KHDRBS2: variants seen among roughly 807,000 people sequenced by gnomAD.
KHDRBS2 encodes the protein KH domain-containing, RNA-binding, signal transduction-associated protein 2.
KHDRBS2 carries 26 observed loss-of-function variants against 44.3 expected under a neutral mutation model. That is an observed-to-expected ratio of 0.59 (90% CI 0.43 to 0.81). The LOEUF (loss-of-function observed/expected upper bound fraction) is 0.81, where lower values mean the gene tolerates loss of function less well. KHDRBS2 is among the 40% of genes least tolerant of loss of function. The pLI is 0.00. For missense variants in KHDRBS2, 476 were observed against 433.1 expected (o/e 1.10, Z -0.88); for synonymous variants, 194 against 151.1 (o/e 1.28, Z -2.08).
At chr6:61,552,289 G>A in the KHDRBS2 span, among the ~76,000 whole-genome samples, 1 of 151,942 alleles carries the variant, frequency 6.6e-6, no homozygotes, top group Non-Finnish European at 1.5e-5. Flanking sequence ...GAATGGGATT[G>A]CATTTTTGAT....
chr6:61,985,402 C>A (rs925042470), intron 3 of KHDRBS2, among the ~76,000 whole-genome samples: 2 of 152,174 alleles, frequency 1.3e-5, no homozygotes, highest in African/African-American at 4.8e-5. Context: ...CAGGGTCCAG[C>A]AAGAGCCTTG....
chr6:61,883,845 T>A (rs1332983649), intron 6 of KHDRBS2, among the ~76,000 whole-genome samples: 1 of 151,986 alleles, frequency 6.6e-6, no homozygotes, highest in Non-Finnish European at 1.5e-5. Flanking sequence ...CTCTAAAAAA[T>A]GGGGACTAGA....
At chr6:62,161,914 C>T (rs1817739513) in intron 2 of KHDRBS2, among the ~76,000 whole-genome samples, 1 of 151,982 alleles carries the variant, frequency 6.6e-6, no homozygotes, top group African/African-American at 2.4e-5. Flanking sequence ...ACCTTTACAG[C>T]TTTATACCTG....
At chr6:61,720,309 G>A (rs1772229098) in intron 7 of KHDRBS2, among the ~76,000 whole-genome samples, 1 of 152,076 alleles carries the variant, frequency 6.6e-6, no homozygotes, top group Non-Finnish European at 1.5e-5. Flanking sequence ...GGGATGGCTG[G>A]GTCAAATGGT....
chr6:61,908,400 C>T (rs946855620), intron 4 of KHDRBS2, among the ~76,000 whole-genome samples: 5 of 151,422 alleles, frequency 3.3e-5, no homozygotes, highest in Non-Finnish European at 7.4e-5. Context: ...TTTGGGAGGC[C>T]GAGGCGGGCA....
intron 6 of KHDRBS2, among the ~76,000 whole-genome samples, chr6:61,751,438 T>C (rs891931582): frequency 1.3e-5 from 2 of 152,184 alleles, no homozygotes; most frequent in Non-Finnish European, 2.9e-5. Context: ...CAGAACAATG[T>C]GCCCTATTGC....
At chr6:62,231,931 T>C (rs1832961049) in intron 1 of KHDRBS2, among the ~76,000 whole-genome samples, 1 of 152,158 alleles carries the variant, frequency 6.6e-6, no homozygotes, top group Non-Finnish European at 1.5e-5. Context: ...AAATATTTCT[T>C]ATAAACATCA....
the KHDRBS2 span, among the ~76,000 whole-genome samples, chr6:61,593,298 C>T: frequency 6.6e-6 from 1 of 152,050 alleles, no homozygotes; most frequent in Admixed American, 6.6e-5. Flanking sequence ...GTTTTAATCT[C>T]TAGTGATTTT....
chr6:62,003,705 G>A lies in KHDRBS2; in HGVS notation c.337-25493C>T, dbSNP rs138940316. ...CAGAACTCTCTACCCAAAATCAACA[G>A]AATATACATTCTTCTCAGCACCACA... On this transcript the variant is annotated intron_variant, in intron 3 of 8. Transcript: ENST00000281156. Among the ~76,000 whole-genome samples, 205 of 152,200 alleles carry A rather than the reference G, an allele frequency of 1.3e-3. 1 individual carries two copies. The highest frequency in any genetic ancestry group is 4.7e-3 in the African/African-American group (195 of 41,532).
intron 4 of KHDRBS2, among the ~76,000 whole-genome samples, chr6:61,917,585 C>G (rs1372852200): frequency 6.6e-6 from 1 of 151,856 alleles, no homozygotes; most frequent in Non-Finnish European, 1.5e-5. Context: ...TGCCTTTGCC[C>G]AAACCCAAAG....
chr6:61,782,094 A>T (rs1783021895), intron 6 of KHDRBS2, among the ~76,000 whole-genome samples: 1 of 152,124 alleles, frequency 6.6e-6, no homozygotes, highest in Admixed American at 6.6e-5. Flanking sequence ...GCAAATCAGT[A>T]TGGCAACTAA....
At chr6:61,770,179 C>A (rs565589533) in intron 6 of KHDRBS2, among the ~76,000 whole-genome samples, 1 of 152,124 alleles carries the variant, frequency 6.6e-6, no homozygotes, top group South Asian at 2.1e-4. Flanking sequence ...ACCCAAAACC[C>A]ATCTGTACGT....
chr6:61,819,898 T>C (rs1278056947), intron 6 of KHDRBS2, among the ~76,000 whole-genome samples: 3 of 151,942 alleles, frequency 2.0e-5, no homozygotes, highest in Non-Finnish European at 4.4e-5. Context: ...AACTAGCAGG[T>C]GCCAAAGTCC....
rs968716865 is a variant in KHDRBS2 at position 61,760,820 on chromosome 6, A to G, written c.811-28056T>C. ...CCTTCACATTAAGCATACAATTTAA[A>G]TATGTTGGCAGGCATAATACAAATA... On this transcript the variant is annotated intron_variant, in intron 6 of 8. Coordinates refer to ENST00000281156, the MANE Select transcript of KHDRBS2 (RefSeq NM_152688.4). Among the ~76,000 whole-genome samples, 18 of 152,216 alleles carry G rather than the reference A, an allele frequency of 1.2e-4. 1 individual carries two copies. The highest frequency in any genetic ancestry group is 1.1e-3 in the Admixed American group (17 of 15,284).
intron 6 of KHDRBS2, among the ~76,000 whole-genome samples, chr6:61,779,551 AGAAGTT>A (rs1266412179): frequency 6.6e-6 from 1 of 152,214 alleles, no homozygotes; most frequent in East Asian, 1.9e-4. Context: ...AAATTGGAAA[AGAAGTT>A]AAAGAATGAC....
At chr6:62,165,917 C>T (rs79630362) in intron 2 of KHDRBS2, among the ~76,000 whole-genome samples, 8,384 of 151,940 alleles carry the variant, frequency 0.055, 321 homozygotes, top group Non-Finnish European at 0.071. Flanking sequence ...TAGAAGTTTT[C>T]ATCACTCCAA....
At chr6:62,202,601 G>A (rs1827221485) in intron 1 of KHDRBS2, among the ~76,000 whole-genome samples, 1 of 151,838 alleles carries the variant, frequency 6.6e-6, no homozygotes, top group African/African-American at 2.4e-5. Flanking sequence ...ACTGTTATGT[G>A]GTATTCATCC....
Position 62,273,681 on chromosome 6 carries a change from C to G in KHDRBS2, c.91+12177G>C, listed in dbSNP as rs182905584. On this transcript the variant is annotated intron_variant, in intron 1 of 8. Coordinates refer to ENST00000281156, the MANE Select transcript of KHDRBS2 (RefSeq NM_152688.4). ...CCAAAGGTCAATTATCACCTAGATGCTAGTAAAACGTAAACCATTGTCTGC... is the reference window on the plus strand; with the variant it reads ...CCAAAGGTCAATTATCACCTAGATGGTAGTAAAACGTAAACCATTGTCTGC... Among the ~76,000 whole-genome samples, 3 of 152,218 alleles carry G rather than the reference C, an allele frequency of 2.0e-5. No homozygotes were observed. The South Asian group carries it at 6.2e-4, about 32-fold the overall frequency.
At chr6:61,762,370 C>T (rs1459794521) in intron 6 of KHDRBS2, among the ~76,000 whole-genome samples, 3 of 152,066 alleles carry the variant, frequency 2.0e-5, no homozygotes, top group Non-Finnish European at 2.9e-5. Context: ...TTTGAGCCTT[C>T]GAAACACATG....
Sources: allele counts gnomAD v4.1 joint callset (sites outside exome capture counted in the v4.1 genomes callset), GRCh38; gene constraint gnomAD v4.1.1; transcripts MANE v1.5; gene names NCBI Gene and HGNC (gene_info 2026-07-23, HGNC 2026-07-21).